Variants in FAM13A observed in about 807,000 individuals in gnomAD.
FAM13A encodes the protein protein FAM13A.
A neutral mutation model predicts 129.6 loss-of-function variants in FAM13A; 76 were observed. The observed-to-expected ratio is 0.59, with a 90% CI of 0.49 to 0.71. FAM13A has a LOEUF of 0.71. FAM13A is among the 30% of genes least tolerant of loss of function. The pLI, the probability that FAM13A is intolerant of heterozygous loss-of-function variation, is 0.00. For missense variants in FAM13A, 1,108 were observed against 1,249.3 expected, an observed-to-expected ratio of 0.89 and a Z score of 1.70; for synonymous variants, 443 against 449.9, an observed-to-expected ratio of 0.98 and a Z score of 0.20.
At chr4:88,894,391 G>C (rs981395460) in intron 6 of FAM13A, among the ~76,000 whole-genome samples, 1 of 152,026 alleles carries the variant, frequency 6.6e-6, no homozygotes, top group Non-Finnish European at 1.5e-5. Flanking sequence ...TGAAGCCACA[G>C]AAGGCAACAC....
intron 1 of FAM13A, among the ~76,000 whole-genome samples, chr4:89,038,481 G>C (rs1454586613): frequency 6.6e-6 from 1 of 152,072 alleles, no homozygotes; most frequent in Non-Finnish European, 1.5e-5. Context: ...AATGCTCAAG[G>C]CCTAATGGGA....
chr4:88,815,288 G>A (rs1309141557), intron 7 of FAM13A, among the ~76,000 whole-genome samples: 1 of 152,076 alleles, frequency 6.6e-6, no homozygotes, highest in African/African-American at 2.4e-5. Flanking sequence ...ATTTTAAAGA[G>A]CAACTTCCGA....
At chr4:88,943,630 A>G (rs1755148417) in intron 4 of FAM13A, among the ~76,000 whole-genome samples, 1 of 152,250 alleles carries the variant, frequency 6.6e-6, no homozygotes, top group African/African-American at 2.4e-5. Flanking sequence ...TGTCTTCAAG[A>G]CGGTTCACAG....
chr4:88,938,909 T>C (rs1031648557), intron 4 of FAM13A, among the ~76,000 whole-genome samples: 3 of 152,230 alleles, frequency 2.0e-5, no homozygotes, highest in Non-Finnish European at 4.4e-5. Context: ...GAACTCCTAC[T>C]AATCAACAGG....
At chr4:89,010,911 C>T (rs766976182) in intron 3 of FAM13A, among the ~76,000 whole-genome samples, 21 of 151,950 alleles carry the variant, frequency 1.4e-4, no homozygotes, top group Admixed American at 2.6e-4. Context: ...TGCAGTGGTG[C>T]GATCTCGGTT....
chr4:88,823,090 G>A, intron 7 of FAM13A: 16 of 1,595,044 alleles, frequency 1.0e-5, no homozygotes, highest in Non-Finnish European at 1.4e-5. Flanking sequence ...TCTTCTTACA[G>A]TGGCTAAGCT....
intron 7 of FAM13A, among the ~76,000 whole-genome samples, chr4:88,819,108 T>C (rs1429654485): frequency 6.6e-6 from 1 of 152,224 alleles, no homozygotes; most frequent in Non-Finnish European, 1.5e-5. Context: ...AATTTGGAAT[T>C]ATGATGTGCT....
chr4:89,039,443 A>G (rs1468900173), intron 1 of FAM13A, among the ~76,000 whole-genome samples: 8 of 152,256 alleles, frequency 5.3e-5, no homozygotes, highest in Non-Finnish European at 1.0e-4. Context: ...TAATGTATCA[A>G]TATTGGCTCA....
At position 88,728,852 on chromosome 4, in the gene FAM13A, C is replaced by A. The variant is rs550734289; in HGVS notation, c.2946-193G>T. Reference sequence around the variant, plus strand: ...TAATGAAAATGTTTCACCCAGAAGGCAACATGCAACTGAGTTTTTATATAG... The same window carrying A: ...TAATGAAAATGTTTCACCCAGAAGGAAACATGCAACTGAGTTTTTATATAG... On this transcript the variant is annotated intron_variant, in intron 23 of 23. Transcript: ENST00000264344. 14 of 544,822 alleles carry A rather than the reference C, an allele frequency of 2.6e-5. No individual in the cohort carries two copies. In the East Asian group the frequency reaches 4.5e-4, roughly 18 times the overall value. The allele number at this position is 544,822 out of a possible 1,614,324, so 33.7% of individuals were successfully genotyped here.
At chr4:88,813,751 G>A (rs1362180403) in intron 7 of FAM13A, among the ~76,000 whole-genome samples, 1 of 152,094 alleles carries the variant, frequency 6.6e-6, no homozygotes. Flanking sequence ...AGAAAAATGG[G>A]TCAAGGCTTG....
In FAM13A at chr4:88,814,486, C is replaced by G. The variant is rs556733122; in HGVS notation, c.1008-9434G>C. Among the ~76,000 whole-genome samples, 8 of 152,290 alleles carry G rather than the reference C, an allele frequency of 5.3e-5. No homozygotes were observed. The East Asian group carries it at 1.4e-3, about 26-fold the overall frequency. On this transcript the variant is annotated intron_variant, in intron 7 of 23. Coordinates refer to ENST00000264344, the MANE Select transcript of FAM13A (RefSeq NM_014883.4). The stretch of plus-strand genomic sequence containing the variant: ...TTGAGGGAGTTCAGCACCAGGGGCG[C>G]AGCAGTGACCTGCCAGAAAGCTGAC...
At chr4:89,052,254 CT>C (rs201655712) in intron 1 of FAM13A, among the ~76,000 whole-genome samples, 20,827 of 108,286 alleles carry the variant, frequency 0.19, 1,903 homozygotes, top group East Asian at 0.42. Flanking sequence ...GCAGCGCTTT[CT>C]TTTTTTTTTT....
intron 4 of FAM13A, among the ~76,000 whole-genome samples, chr4:88,963,921 G>C (rs1354590148): frequency 6.6e-6 from 1 of 152,186 alleles, no homozygotes; most frequent in African/African-American, 2.4e-5. Context: ...TGAATGTTCA[G>C]TGTAAACAGT....
At chr4:88,974,725 C>G (rs936995382) in intron 4 of FAM13A, among the ~76,000 whole-genome samples, 2 of 151,970 alleles carry the variant, frequency 1.3e-5, no homozygotes, top group Non-Finnish European at 2.9e-5. Flanking sequence ...AAGAAGTTAT[C>G]AAAGAGGGGA....
chr4:88,845,112 A>G (rs1736426400), intron 7 of FAM13A, among the ~76,000 whole-genome samples: 1 of 152,196 alleles, frequency 6.6e-6, no homozygotes, highest in Non-Finnish European at 1.5e-5. Context: ...TCTAACCACA[A>G]GGTGATGGAG....
intron 3 of FAM13A, among the ~76,000 whole-genome samples, chr4:89,017,532 T>G (rs1366621108): frequency 3.3e-5 from 5 of 152,156 alleles, no homozygotes; most frequent in Non-Finnish European, 7.3e-5. Flanking sequence ...TCTGGAAATG[T>G]GATAAAAGCC....
chr4:88,890,483 T>C (rs1745138702), intron 6 of FAM13A, among the ~76,000 whole-genome samples: 1 of 151,954 alleles, frequency 6.6e-6, no homozygotes. Context: ...ACTCAACACC[T>C]CAAAAGAGAC....
intron 6 of FAM13A, among the ~76,000 whole-genome samples, chr4:88,891,999 A>T (rs1247943427): frequency 2.0e-5 from 3 of 152,062 alleles, no homozygotes; most frequent in Non-Finnish European, 4.4e-5. Flanking sequence ...CAATGATGTG[A>T]GACCCTGTCT....
intron 6 of FAM13A, among the ~76,000 whole-genome samples, chr4:88,905,056 T>A (rs1747908334): frequency 6.6e-6 from 1 of 152,216 alleles, no homozygotes; most frequent in South Asian, 2.1e-4. Context: ...ATCTCATGCA[T>A]TTCTATTATG....
Sources: gnomAD v4.1 joint callset for allele counts (sites outside exome capture counted in the v4.1 genomes callset) on GRCh38, gnomAD v4.1.1 for gene constraint, MANE v1.5 for transcripts, NCBI Gene and HGNC (gene_info 2026-07-23, HGNC 2026-07-21) for gene names.